Variants in CDHR2 observed in about 807,000 individuals in gnomAD.
The protein encoded by CDHR2 is cadherin-related family member 2.
CDHR2 carries 104 observed loss-of-function variants against 138.6 expected under a neutral mutation model. The ratio of observed to expected loss-of-function variants is 0.75; its 90% CI spans 0.64 to 0.88. CDHR2 has a LOEUF of 0.88. Among genes scored for constraint, CDHR2 ranks in the 40% least tolerant of loss-of-function variants. The probability of loss-of-function intolerance (pLI) is 0.00; values close to 1 mark genes in which losing one functional copy is unlikely to be tolerated. For synonymous variants in CDHR2, 755 were observed against 742.8 expected, an observed-to-expected ratio of 1.02 and a Z score of -0.27; for missense variants, 1,624 against 1,727.6, an observed-to-expected ratio of 0.94 and a Z score of 1.06.
At chr5:176,575,250 G>T in intron 8 of CDHR2, 30 bp from the exon 9 acceptor site, 1 of 1,614,130 alleles carries the variant, frequency 6.2e-7, no homozygotes, top group South Asian at 1.1e-5. Context: ...GACCCACGGC[G>T]CTGGCTCACG....
chr5:176,576,214 G>A lies in CDHR2; in HGVS notation c.1194+29G>A. 1 of 1,554,746 alleles carries A rather than the reference G, an allele frequency of 6.4e-7. No individual in the cohort carries two copies. The highest frequency in any genetic ancestry group is 8.8e-7 in the Non-Finnish European group (1 of 1,139,686). On this transcript the variant is annotated intron_variant, in intron 12 of 31. Transcript: ENST00000261944. The surrounding 1 kb of genome is among the most constrained non-coding windows in gnomAD (Gnocchi z 4.5). ...GGCGTGGTGGCGTGGGTGTGGGCGG[G>A]GGTGGCTGGGGGAGGCCAGTGGGAG...
chr5:176,573,483 T>A (rs1306272773), intron 6 of CDHR2, among the ~76,000 whole-genome samples: 3 of 127,886 alleles, frequency 2.3e-5, no homozygotes, highest in Admixed American at 1.6e-4. Context: ...CTATTAAAAA[T>A]ATATATAAAA....
At chr5:176,548,451 G>A (rs1358145391), upstream of CDHR2, among the ~76,000 whole-genome samples, 9 of 152,210 alleles carry the variant, frequency 5.9e-5, no homozygotes, top group African/African-American at 2.4e-5. Context: ...CTTAAAGCCA[G>A]CCTGGGGGCC....
rs554321529 is a variant in CDHR2, at chr5:176,584,820, G to A, written c.2539G>A (p.Val847Met). The A allele has an allele frequency of 5.0e-6, 8 of 1,614,234 alleles. No individual in the cohort carries two copies. The highest frequency in any genetic ancestry group is 1.3e-5 in the African/African-American group (1 of 75,068). ...CAGTGCCCAGCTGGAGATACAGCTT[G>A]TGAACATTCTCTGCACCAAGGCCGG... ...DTSAQLEIQL[V>M]NILCTKAGVD... Residue 847 changes from valine to methionine, a missense_variant, in exon 19 of 32, where the codon GTG becomes ATG. Coordinates refer to ENST00000261944, the MANE Select transcript of CDHR2 (RefSeq NM_017675.6).
chr5:176,547,224 G>A (rs937300873), upstream of CDHR2, among the ~76,000 whole-genome samples: 7 of 152,002 alleles, frequency 4.6e-5, no homozygotes, highest in African/African-American at 7.3e-5. Context: ...TGATCCACCC[G>A]CCTCAGCCTC....
chr5:176,584,394 T>A lies in CDHR2; in HGVS notation c.2129-16T>A. 6.2e-7 allele frequency: 1 copy of A among 1,600,622 alleles called. No individual in the cohort carries two copies. The highest frequency in any genetic ancestry group is 8.5e-7 in the Non-Finnish European group (1 of 1,172,124). On this transcript the variant is annotated splice_polypyrimidine_tract_variant and intron_variant, in intron 18 of 31. Transcript: ENST00000261944. ...CGGGGTCAGGAGTCCTTCTGAGCTCTGCCCCTTGTCCACAGGAGTGCTAGT... is the reference window on the plus strand; with the variant it reads ...CGGGGTCAGGAGTCCTTCTGAGCTCAGCCCCTTGTCCACAGGAGTGCTAGT...
chr5:176,580,459 T>C (rs1383920391), intron 16 of CDHR2, among the ~76,000 whole-genome samples: 3 of 131,322 alleles, frequency 2.3e-5, no homozygotes, highest in Non-Finnish European at 3.3e-5. Context: ...AATCCAGGAA[T>C]TGGAAGCTGC....
rs1234510640 is a variant in CDHR2, at chr5:176,576,868, C to T, written c.1195-531C>T. Among the ~76,000 whole-genome samples the T allele has an allele frequency of 3.3e-5, 5 of 152,162 alleles. No individual in the cohort carries two copies. Among genetic ancestry groups the T allele is most frequent in the South Asian group, 4.1e-4 (2 of 4,832 alleles). ...CTGGGATTGCAGGCGTGAGCCACCG[C>T]GCCCAGCCATGGGAGGCACTCTTAA... On this transcript the variant is annotated intron_variant, in intron 12 of 31. Transcript: ENST00000261944. The surrounding 1 kb of genome is among the most constrained non-coding windows in gnomAD (Gnocchi z 4.5).
upstream of CDHR2, among the ~76,000 whole-genome samples, chr5:176,548,279 C>T (rs1757628212): frequency 6.6e-6 from 1 of 152,174 alleles, no homozygotes; most frequent in Non-Finnish European, 1.5e-5. Context: ...ATGTCCTCTG[C>T]CCACAAGAAG....
At chr5:176,564,470 G>A (rs1180274161) in intron 1 of CDHR2, among the ~76,000 whole-genome samples, 1 of 152,204 alleles carries the variant, frequency 6.6e-6, no homozygotes, top group African/African-American at 2.4e-5. Flanking sequence ...TTACAGGCGT[G>A]AGCCACCACG....
At chr5:176,554,924 G>A (rs1451380943) in intron 1 of CDHR2, among the ~76,000 whole-genome samples, 1 of 152,234 alleles carries the variant, frequency 6.6e-6, no homozygotes, top group Non-Finnish European at 1.5e-5. Flanking sequence ...AAAGTGCTGG[G>A]ATTACAGGTG....
rs1758597330 is a variant in CDHR2 at position 176,584,303 on chromosome 5, A to C, written c.2128+44A>C. ...AGGAGAGACACTGCGGCTGGGACCC[A>C]GTGTGGCTTTGTCAGGGTGGACCTC... is the stretch of plus-strand genomic sequence containing the variant. On this transcript the variant is annotated intron_variant, in intron 18 of 31. Transcript: ENST00000261944. 3 of 1,612,950 alleles carry C rather than the reference A, an allele frequency of 1.9e-6. No individual in the cohort carries two copies. In the East Asian group the frequency reaches 6.7e-5, roughly 36 times the overall value.
intron 1 of CDHR2, among the ~76,000 whole-genome samples, chr5:176,551,022 C>A (rs887111304): frequency 3.3e-5 from 5 of 152,184 alleles, no homozygotes; most frequent in African/African-American, 2.4e-5. Context: ...TAAGCACTTT[C>A]TTTTTGAGAC....
chr5:176,549,468 G>A (rs1026646658), intron 1 of CDHR2, 54 bp downstream of exon 1: 1 of 152,262 alleles, frequency 6.6e-6, no homozygotes, highest in Non-Finnish European at 1.5e-5. Flanking sequence ...TGTGGGGGTT[G>A]GGGGGATCCC....
rs1757514309 is a variant in CDHR2 at position 176,543,670 on chromosome 5, C to T, written c.-16+901C>T. 1 of 152,232 alleles carries T rather than the reference C, an allele frequency of 6.6e-6. No individual in the cohort carries two copies. The highest frequency in any genetic ancestry group is 2.1e-4 in the South Asian group (1 of 4,836). 9.4% of individuals were successfully genotyped at this position (152,232 alleles called of 1,614,324 possible). On this transcript the variant is annotated intron_variant, in intron 1 of 31. Transcript: ENST00000510636. The surrounding 1 kb of genome is among the most constrained non-coding windows in gnomAD (Gnocchi z 4.0). ...ACCCCATGGTCGTTCAGAGAATCTT[C>T]GCTTCCCGGAGAGTGTGTCCCCTCC...
Position 176,575,790 on chromosome 5 carries a change from A to T in CDHR2, c.911A>T (p.Asp304Val). ...DGVIRVNGSL[D>V]REQLLEADEE... ...GTGATCAGGGTCAACGGCTCCCTGG[A>T]CCGTGAGCAGCTGCTGGAGGCGGAT... Residue 304 changes from aspartate (D) to valine (V), a missense_variant, in exon 11 of 32, where the codon GAC (aspartate) becomes GTC (valine). Around this residue, in one of 3 missense-constraint regions of CDHR2, gnomAD observed 1,061 missense variants for 1,136.6 expected, o/e 0.93. Transcript: ENST00000261944. 6.4e-7 allele frequency: 1 copy of T among 1,559,824 alleles called. No individual in the cohort carries two copies. Among genetic ancestry groups the T allele is most frequent in the Non-Finnish European group, 8.7e-7 (1 of 1,151,352 alleles).
At chr5:176,544,585 G>GT (rs757337741), upstream of CDHR2, among the ~76,000 whole-genome samples, 98 of 152,198 alleles carry the variant, frequency 6.4e-4, no homozygotes, top group Admixed American at 2.6e-3. Flanking sequence ...GGTTACAGGT[G>GT]TATGGCGCAA....
intron 14 of CDHR2, 25 bp downstream of exon 14, chr5:176,577,823 C>A (rs1442193109): frequency 1.2e-5 from 20 of 1,611,592 alleles, no homozygotes; most frequent in Non-Finnish European, 1.7e-5. Context: ...CACAGTGGGG[C>A]TGTGGGGTCC....
At position 176,576,861 on chromosome 5, in the gene CDHR2, G is replaced by A. The variant is rs1758393379; in HGVS notation, c.1195-538G>A. ...CAAAGTGCTGGGATTGCAGGCGTGAGCCACCGCGCCCAGCCATGGGAGGCA... is the reference window on the plus strand; with the variant it reads ...CAAAGTGCTGGGATTGCAGGCGTGAACCACCGCGCCCAGCCATGGGAGGCA... On this transcript the variant is annotated intron_variant, in intron 12 of 31. Transcript: ENST00000261944. The surrounding 1 kb of genome is among the most constrained non-coding windows in gnomAD (Gnocchi z 4.5). 6.6e-6 allele frequency among the ~76,000 whole-genome samples: 1 copy of A among 152,174 alleles called. No homozygotes were observed. The highest frequency in any genetic ancestry group is 1.5e-5 in the Non-Finnish European group (1 of 68,040).
Sources: allele counts gnomAD v4.1 joint callset (sites outside exome capture counted in the v4.1 genomes callset), GRCh38; gene constraint gnomAD v4.1.1; regional missense constraint gnomAD v4.1.1; non-coding constraint Gnocchi (gnomAD v3.1); transcripts MANE v1.5; gene names NCBI Gene and HGNC (gene_info 2026-07-23, HGNC 2026-07-21).